Variants in BCAS3 observed in about 807,000 individuals in gnomAD.
BCAS3 encodes the protein BCAS4/BCAS3 fusion.
BCAS3 carries 53 observed loss-of-function variants against 116.1 expected under a neutral mutation model. The ratio of observed to expected loss-of-function variants is 0.46; its 90% CI spans 0.37 to 0.57. The LOEUF (loss-of-function observed/expected upper bound fraction) is 0.57. Ranked by LOEUF, BCAS3 falls within the 20% of genes least tolerant of loss-of-function variation. The probability of loss-of-function intolerance (pLI) is 0.00; values close to 1 mark genes in which losing one functional copy is unlikely to be tolerated. For synonymous variants in BCAS3, 391 were observed against 408.2 expected (o/e 0.96, Z 0.51); for missense variants, 917 against 1,165.4 (o/e 0.79, Z 3.10).
chr17:60,889,446 A>G (rs1381417821), intron 9 of BCAS3, among the ~76,000 whole-genome samples: 2 of 152,236 alleles, frequency 1.3e-5, no homozygotes, highest in South Asian at 2.1e-4. Flanking sequence ...GTGTTTGCTG[A>G]AAGTGATGAC....
chr17:61,274,281 A>ATTTTTTTTTT (rs780529516), intron 22 of BCAS3, among the ~76,000 whole-genome samples: 4 of 96,228 alleles, frequency 4.2e-5, no homozygotes, highest in East Asian at 6.0e-4. Context: ...AAATCTTTGA[A>ATTTTTTTTTT]TTTTTTTTTT....
intron 22 of BCAS3, among the ~76,000 whole-genome samples, chr17:61,262,844 C>T (rs528065266): frequency 8.6e-5 from 13 of 151,888 alleles, no homozygotes; most frequent in South Asian, 4.2e-4. Context: ...AGGCATGTGC[C>T]GCCACCCCCG....
rs1262658266 is a variant in BCAS3, at chr17:61,261,790, T to C, written c.2426-106537T>C. Among the ~76,000 whole-genome samples, 1 of 152,218 alleles carries C rather than the reference T, an allele frequency of 6.6e-6. No individual in the cohort carries two copies. The highest frequency in any genetic ancestry group is 1.5e-5 in the Non-Finnish European group (1 of 68,048). ...ACTTCTCATTTCTGTATCAGAATGG[T>C]TATATCATTCCCTCCAGGGCGCATA... On this transcript the variant is annotated intron_variant, in intron 22 of 23. Transcript: ENST00000407086. The surrounding 1 kb of genome is among the most constrained non-coding windows in gnomAD (Gnocchi z 4.4).
intron 7 of BCAS3, among the ~76,000 whole-genome samples, chr17:60,811,915 T>C: frequency 6.6e-6 from 1 of 152,104 alleles, no homozygotes; most frequent in East Asian, 1.9e-4. Context: ...TAGCTGGGCA[T>C]GATGGCACAC....
chr17:60,990,650 C>CTT lies in BCAS3; in HGVS notation c.1486+428_1486+429dup, dbSNP rs779826122. On this transcript the variant is annotated intron_variant, in intron 15 of 23. Transcript: ENST00000407086. This position sits in a 1 kb window ranked among gnomAD's most constrained non-coding sequence, Gnocchi z 5.1. ...TGTATTTTAGATAGAGCAGCATTTGCTTTTTTTTTTTTTTGAGACGGAGTC... is the reference window on the plus strand; with the variant it reads ...TGTATTTTAGATAGAGCAGCATTTGCTTTTTTTTTTTTTTTTGAGACGGAGTC... Among the ~76,000 whole-genome samples the CTT allele has an allele frequency of 2.1e-5, 3 of 140,972 alleles. No individual in the cohort carries two copies. The highest frequency in any genetic ancestry group is 2.6e-5 in the African/African-American group (1 of 38,702). The allele number at this position is 140,972 out of a possible 152,430, so 92.5% of individuals were successfully genotyped here.
At chr17:60,859,370 G>A (rs148476803) in intron 7 of BCAS3, among the ~76,000 whole-genome samples, 2 of 151,854 alleles carry the variant, frequency 1.3e-5, no homozygotes, top group African/African-American at 4.8e-5. Context: ...AGTAGGCCCC[G>A]GTGTCTGTTG....
At chr17:60,868,717 T>C in intron 8 of BCAS3, 34 bp downstream of exon 8, 2 of 1,325,194 alleles carry the variant, frequency 1.5e-6, no homozygotes, top group Non-Finnish European at 2.1e-6. Flanking sequence ...TTGTGTAAAA[T>C]AAGAAACATG....
chr17:61,225,522 T>G (rs2082327936), intron 22 of BCAS3, among the ~76,000 whole-genome samples: 1 of 152,262 alleles, frequency 6.6e-6, no homozygotes, highest in Admixed American at 6.5e-5. Context: ...ATAAGGCCTT[T>G]TTCTTCTTTC....
At chr17:61,310,090 G>A (rs1318123348) in intron 22 of BCAS3, among the ~76,000 whole-genome samples, 1 of 152,192 alleles carries the variant, frequency 6.6e-6, no homozygotes, top group Non-Finnish European at 1.5e-5. Flanking sequence ...TAATGAATCA[G>A]TGGGAGTTGC....
intron 8 of BCAS3, among the ~76,000 whole-genome samples, chr17:60,872,545 A>G (rs1215173160): frequency 1.3e-5 from 2 of 150,880 alleles, no homozygotes; most frequent in Non-Finnish European, 3.0e-5. Flanking sequence ...GTATATCTGT[A>G]TGTATATACA....
At chr17:61,101,563 C>A (rs1266380457) in intron 22 of BCAS3, among the ~76,000 whole-genome samples, 1 of 152,032 alleles carries the variant, frequency 6.6e-6, no homozygotes, top group African/African-American at 2.4e-5. Context: ...CTAAATGGAC[C>A]TGACACCTTG....
chr17:60,850,345 GTTTTTT>G (rs10573405), intron 7 of BCAS3, among the ~76,000 whole-genome samples: 1 of 37,734 alleles, frequency 2.7e-5, no homozygotes, highest in Non-Finnish European at 4.9e-5. Flanking sequence ...TGGCACCACT[GTTTTTT>G]TTTTTTTTTT....
In BCAS3 at chr17:60,929,324, G is replaced by A. The variant is rs1175375207; in HGVS notation, c.1087+4824G>A. Among the ~76,000 whole-genome samples the A allele has an allele frequency of 2.6e-5, 4 of 152,080 alleles. No individual in the cohort carries two copies. In the South Asian group the frequency reaches 8.3e-4, roughly 32 times the overall value. ...CCTGTAGTCCCAGCTACTTAATTGG[G>A]AGGCTGAGATGGAAGACTTGCTTGA... On this transcript the variant is annotated intron_variant, in intron 13 of 23. Coordinates refer to ENST00000407086, the MANE Select transcript of BCAS3 (RefSeq NM_017679.5).
At chr17:61,160,234 A>G (rs1324466542) in intron 22 of BCAS3, among the ~76,000 whole-genome samples, 1 of 151,864 alleles carries the variant, frequency 6.6e-6, no homozygotes, top group African/African-American at 2.4e-5. Flanking sequence ...ACTTCCTAAC[A>G]TATTATCTGA....
intron 11 of BCAS3, among the ~76,000 whole-genome samples, chr17:60,909,620 ATTTGTC>A (rs992245681): frequency 6.6e-6 from 1 of 152,078 alleles, no homozygotes; most frequent in Admixed American, 6.5e-5. Context: ...ACTCACAAGT[ATTTGTC>A]TTTATTTTAG....
At chr17:60,936,786 A>G (rs1189707665) in intron 13 of BCAS3, among the ~76,000 whole-genome samples, 1 of 152,090 alleles carries the variant, frequency 6.6e-6, no homozygotes, top group African/African-American at 2.4e-5. Context: ...TAGATTGCAA[A>G]AATTTTCTCC....
intron 22 of BCAS3, among the ~76,000 whole-genome samples, chr17:61,246,825 G>GTGTA (rs1568660138): frequency 6.7e-6 from 1 of 149,170 alleles, no homozygotes; most frequent in Non-Finnish European, 1.5e-5. Flanking sequence ...GTGTGTGTGT[G>GTGTA]TGTGTATGTG....
intron 7 of BCAS3, among the ~76,000 whole-genome samples, chr17:60,813,470 G>C (rs1352137268): frequency 1.3e-5 from 2 of 151,990 alleles, no homozygotes; most frequent in African/African-American, 4.8e-5. Context: ...ATTGTTTTTT[G>C]CTTGTTGAAT....
intron 22 of BCAS3, among the ~76,000 whole-genome samples, chr17:61,202,191 G>A (rs2080879398): frequency 7.1e-6 from 1 of 140,908 alleles, no homozygotes; most frequent in African/African-American, 2.6e-5. Context: ...AGGTTGGAGT[G>A]CAGTGGTGTG....
Sources: allele counts gnomAD v4.1 joint callset (sites outside exome capture counted in the v4.1 genomes callset), GRCh38; gene constraint gnomAD v4.1.1; non-coding constraint Gnocchi (gnomAD v3.1); transcripts MANE v1.5; gene names NCBI Gene and HGNC (gene_info 2026-07-23, HGNC 2026-07-21).